PCDH15: variants seen among roughly 807,000 people sequenced by gnomAD.
PCDH15 encodes protocadherin-15.
Under a neutral mutation model 178.5 loss-of-function variants are expected in PCDH15, and 129 were observed. The observed-to-expected ratio is 0.72, with a 90% CI of 0.63 to 0.84. The LOEUF (loss-of-function observed/expected upper bound fraction) is 0.84, where lower values mean the gene tolerates loss of function less well. Ranked by LOEUF, PCDH15 falls within the 40% of genes least tolerant of loss-of-function variation. The pLI, the probability that PCDH15 is intolerant of heterozygous loss-of-function variation, is 0.00. For missense variants in PCDH15, 2,230 were observed against 2,099.9 expected (o/e 1.06, Z -1.21); for synonymous variants, 800 against 732.0 (o/e 1.09, Z -1.50).
intron 2 of PCDH15, among the ~76,000 whole-genome samples, chr10:54,662,696 G>T (rs563420457): frequency 2.2e-4 from 33 of 151,882 alleles, no homozygotes; most frequent in Non-Finnish European, 4.6e-4. Flanking sequence ...ATGGTTCGTG[G>T]ATGTCTAATG....
intron 1 of PCDH15, among the ~76,000 whole-genome samples, chr10:54,675,949 T>C (rs1435692671): frequency 6.6e-6 from 1 of 152,184 alleles, no homozygotes; most frequent in Non-Finnish European, 1.5e-5. Context: ...TTGTCAAATC[T>C]GTATTATATA....
intron 3 of PCDH15, among the ~76,000 whole-genome samples, chr10:54,430,017 A>G (rs1956771643): frequency 1.3e-5 from 2 of 151,516 alleles, no homozygotes; most frequent in South Asian, 2.1e-4. Flanking sequence ...ATTTCATTCA[A>G]TAGCTGCAAA....
chr10:55,620,447 A>G (rs1436591236), intron 2 of PCDH15, among the ~76,000 whole-genome samples: 2 of 152,094 alleles, frequency 1.3e-5, no homozygotes, highest in African/African-American at 4.8e-5. Context: ...ACAGAAGTTT[A>G]AAGTATTTAC....
rs774100942 is a variant in PCDH15, at chr10:53,827,485, T to A, written c.4275A>T (p.Ala1425=). The A allele has an allele frequency of 4.3e-6, 7 of 1,613,992 alleles. No individual in the cohort carries two copies. The highest frequency in any genetic ancestry group is 1.6e-4 in the Middle Eastern group (1 of 6,084). Residue 1425 remains alanine (A), a synonymous_variant, in exon 32 of 38, where the codon GCA becomes GCT. Coordinates refer to ENST00000644397, the MANE Select transcript of PCDH15 (RefSeq NM_001384140.1). ...CTGCCACTGGTGCAGGAGCCGGCACTGCTGGTTTAGCCGCGGGTAATGCGG... is the reference window on the plus strand; with the variant it reads ...CTGCCACTGGTGCAGGAGCCGGCACAGCTGGTTTAGCCGCGGGTAATGCGG... The part of the protein sequence containing the change: ...IQAALPAAKP[A]VPAPAPVAAP...
chr10:54,513,348 C>A (rs141187507), intron 3 of PCDH15, among the ~76,000 whole-genome samples: 14,579 of 151,628 alleles, frequency 0.096, 1,023 homozygotes, highest in East Asian at 0.36. Context: ...GCAAACTCTG[C>A]CTCCTGGGTT....
chr10:54,785,044 A>T (rs1996013), intron 1 of PCDH15, among the ~76,000 whole-genome samples: 33,327 of 151,728 alleles, frequency 0.22, 3,856 homozygotes, highest in Non-Finnish European at 0.26. Flanking sequence ...TTCAGAACGG[A>T]ACACAGAGTT....
chr10:54,126,707 CTT>C (rs1433007930), intron 15 of PCDH15, among the ~76,000 whole-genome samples: 3 of 150,650 alleles, frequency 2.0e-5, no homozygotes, highest in Admixed American at 6.6e-5. Context: ...ATAATGGACA[CTT>C]TGTTTATTTT....
At chr10:55,403,127 G>A (rs1838113482) in intron 2 of PCDH15, among the ~76,000 whole-genome samples, 1 of 151,788 alleles carries the variant, frequency 6.6e-6, no homozygotes, top group Non-Finnish European at 1.5e-5. Context: ...GTTGACTGTT[G>A]GACATTTGAA....
intron 3 of PCDH15, among the ~76,000 whole-genome samples, chr10:54,450,674 G>A (rs570568317): frequency 2.3e-4 from 34 of 151,050 alleles, no homozygotes; most frequent in Middle Eastern, 3.4e-3. Context: ...GTTATATAGC[G>A]TTACCCACAA....
intron 2 of PCDH15, among the ~76,000 whole-genome samples, chr10:55,592,544 C>T (rs1842863361): frequency 6.6e-6 from 1 of 152,138 alleles, no homozygotes; most frequent in African/African-American, 2.4e-5. Flanking sequence ...TTATTACTAA[C>T]TGAGAGGTTC....
At chr10:53,938,695 G>C (rs965675182) in intron 25 of PCDH15, 120 bp downstream of exon 25, 3 of 1,077,912 alleles carry the variant, frequency 2.8e-6, no homozygotes, top group Admixed American at 3.8e-5. Context: ...TCATCTCAGA[G>C]TATTAATGAT....
At chr10:54,001,073 A>C (rs1273959548) in intron 20 of PCDH15, among the ~76,000 whole-genome samples, 2 of 152,148 alleles carry the variant, frequency 1.3e-5, no homozygotes, top group African/African-American at 4.8e-5. Context: ...AATTCCTAGA[A>C]GAGTATATCT....
chr10:55,068,533 T>A (rs1841626752), intron 2 of PCDH15, among the ~76,000 whole-genome samples: 2 of 152,162 alleles, frequency 1.3e-5, no homozygotes, highest in Admixed American at 1.3e-4. Flanking sequence ...GTATGATTCC[T>A]TCAGCTTTGT....
intron 2 of PCDH15, among the ~76,000 whole-genome samples, chr10:54,661,938 AAC>A (rs1256744887): frequency 6.6e-6 from 1 of 151,966 alleles, no homozygotes; most frequent in Non-Finnish European, 1.5e-5. Flanking sequence ...TAAGACCTAA[AAC>A]TATAGAGATC....
At position 55,029,872 on chromosome 10, in the gene PCDH15, C is replaced by T. The variant is rs140340269; in HGVS notation, c.-79-132372G>A. 5.6e-3 allele frequency among the ~76,000 whole-genome samples: 848 copies of T among 152,134 alleles called. 6 individuals are homozygous for T. The highest frequency in any genetic ancestry group is 0.019 in the African/African-American group (796 of 41,514). ...TGCCCCAAGGTCCAAAAGAACTTGA[C>T]TCTGAGAAAGAAAAGACAGCCAATA... On this transcript the variant is annotated intron_variant, in intron 2 of 5. Coordinates refer to the PCDH15 transcript ENST00000458638.
rs79844412 is a variant in PCDH15, at chr10:54,022,074, G to T, written c.2526+818C>A. 1.6e-3 allele frequency among the ~76,000 whole-genome samples: 250 copies of T among 151,544 alleles called. 1 individual carries two copies. Among genetic ancestry groups the T allele is most frequent in the African/African-American group, 5.8e-3 (239 of 41,352 alleles). ...AGGGATACAGAGTCTGGAAAAGTAT[G>T]CTAAAAACATTCAAGTTGTGGACTG... On this transcript the variant is annotated intron_variant, in intron 19 of 37. Coordinates refer to ENST00000644397, the MANE Select transcript of PCDH15 (RefSeq NM_001384140.1).
intron 21 of PCDH15, among the ~76,000 whole-genome samples, chr10:53,978,269 C>A (rs1208024763): frequency 6.6e-6 from 1 of 152,158 alleles, no homozygotes. Flanking sequence ...TCCATACATC[C>A]TCTGAAATCT....
intron 2 of PCDH15, among the ~76,000 whole-genome samples, chr10:54,564,388 T>A (rs770311918): frequency 5.9e-5 from 9 of 152,180 alleles, no homozygotes; most frequent in Non-Finnish European, 4.4e-5. Flanking sequence ...ATTAACGGAA[T>A]TTTATTAAAA....
chr10:55,513,979 A>T (rs1261881456), intron 2 of PCDH15, among the ~76,000 whole-genome samples: 1 of 152,088 alleles, frequency 6.6e-6, no homozygotes, highest in Non-Finnish European at 1.5e-5. Flanking sequence ...CAACGAGTAG[A>T]CTAGAGATCC....
Sources: allele counts gnomAD v4.1 joint callset (sites outside exome capture counted in the v4.1 genomes callset), GRCh38; gene constraint gnomAD v4.1.1; transcripts MANE v1.5; gene names NCBI Gene and HGNC (gene_info 2026-07-23, HGNC 2026-07-21).